Variants in PCMT1 observed in about 807,000 individuals in gnomAD.
PCMT1 encodes the protein protein-L-isoaspartate(D-aspartate) O-methyltransferase.
PCMT1 carries 9 observed loss-of-function variants against 29.2 expected under a neutral mutation model. The observed-to-expected ratio is 0.31, with a 90% CI of 0.19 to 0.54. The LOEUF (loss-of-function observed/expected upper bound fraction) is 0.54. Among genes scored for constraint, PCMT1 ranks in the 20% least tolerant of loss-of-function variants. The pLI is 0.95. For missense variants in PCMT1, 184 were observed against 282.2 expected, an observed-to-expected ratio of 0.65 and a Z score of 2.49; for synonymous variants, 98 against 97.5, an observed-to-expected ratio of 1.00 and a Z score of -0.03.
At chr6:149,765,663 T>A (rs575846949) in intron 1 of PCMT1, 8 of 375,908 alleles carry the variant, frequency 2.1e-5, no homozygotes, top group African/African-American at 1.8e-4. Flanking sequence ...TTTTATTTTT[T>A]ATTTTTTATT....
At chr6:149,761,178 T>TAG (rs1786724282) in intron 1 of PCMT1, among the ~76,000 whole-genome samples, 1 of 148,642 alleles carries the variant, frequency 6.7e-6, no homozygotes, top group Admixed American at 6.7e-5. Flanking sequence ...AAACATGAAA[T>TAG]ACACACACAC....
intron 1 of PCMT1, among the ~76,000 whole-genome samples, chr6:149,762,847 G>GATAATCTATGATATATATGAT (rs1786861842): frequency 2.6e-5 from 1 of 37,802 alleles, no homozygotes; most frequent in Non-Finnish European, 3.6e-5. Context: ...ATATATCTAT[G>GATAATCTATGATATATATGAT]ATATATATCT....
At chr6:149,758,938 G>A (rs547007749) in intron 1 of PCMT1, among the ~76,000 whole-genome samples, 7 of 152,100 alleles carry the variant, frequency 4.6e-5, no homozygotes, top group East Asian at 3.9e-4. Context: ...GTGCAATGGC[G>A]CGATCTCGGC....
intron 1 of PCMT1, among the ~76,000 whole-genome samples, chr6:149,764,579 A>G (rs1390954041): frequency 2.0e-5 from 3 of 152,096 alleles, no homozygotes; most frequent in Non-Finnish European, 2.9e-5. Flanking sequence ...TCTAAAAAAA[A>G]ACTTTTAAAA....
chr6:149,774,636 C>G (rs1240794055), intron 3 of PCMT1, among the ~76,000 whole-genome samples: 1 of 148,846 alleles, frequency 6.7e-6, no homozygotes, highest in South Asian at 2.2e-4. Flanking sequence ...CTCCTAGGTT[C>G]AAGTAATTCT....
intron 7 of PCMT1, 67 bp downstream of exon 7, chr6:149,802,483 C>T: frequency 4.4e-6 from 6 of 1,355,558 alleles, no homozygotes; most frequent in Non-Finnish European, 5.7e-6. Flanking sequence ...CTTTATGCTC[C>T]TCCATTATAA....
At chr6:149,788,859 T>C (rs1222010238) in intron 3 of PCMT1, among the ~76,000 whole-genome samples, 1 of 152,204 alleles carries the variant, frequency 6.6e-6, no homozygotes, top group Non-Finnish European at 1.5e-5. Flanking sequence ...CAATCAGTTA[T>C]TATTGAGATG....
At chr6:149,789,618 G>C (rs1225733724) in intron 3 of PCMT1, among the ~76,000 whole-genome samples, 1 of 152,116 alleles carries the variant, frequency 6.6e-6, no homozygotes, top group Non-Finnish European at 1.5e-5. Flanking sequence ...CAAGAAACTA[G>C]TAATATTGGT....
rs59644096 is a variant in PCMT1, at chr6:149,808,519, A to G, written c.*38-2097A>G. On this transcript the variant is annotated intron_variant, in intron 7 of 7. Coordinates refer to ENST00000464889, the MANE Select transcript of PCMT1 (RefSeq NM_001360452.2). ...AAACCTAATTTCTTTTCCTTTTTTA[A>G]AGTATTTTTTAGACAGAGAGGATAG... 3.5e-3 allele frequency among the ~76,000 whole-genome samples: 527 copies of G among 152,170 alleles called. 3 individuals are homozygous for G. Among genetic ancestry groups the G allele is most frequent in the African/African-American group, 0.012 (500 of 41,520 alleles).
At chr6:149,779,125 C>T (rs116444774) in intron 3 of PCMT1, among the ~76,000 whole-genome samples, 1 of 152,186 alleles carries the variant, frequency 6.6e-6, no homozygotes, top group South Asian at 2.1e-4. Flanking sequence ...AGAGGCTTAT[C>T]TGTGTTCCAT....
Position 149,762,670 on chromosome 6 carries a change from GAT to G in PCMT1, c.56-8481_56-8480del, listed in dbSNP as rs551196120. Among the ~76,000 whole-genome samples the G allele has an allele frequency of 2.6e-4, 4 of 15,388 alleles. 1 individual carries two copies. Among genetic ancestry groups the G allele is most frequent in the Non-Finnish European group, 8.4e-5 (1 of 11,840 alleles). 10.1% of individuals were successfully genotyped at this position (15,388 alleles called of 152,430 possible). ...ATATATATATGATATATATATCTAT[GAT>G]ATATATATATCTATGATATATATAT... On this transcript the variant is annotated intron_variant, in intron 1 of 7. Coordinates refer to ENST00000464889, the MANE Select transcript of PCMT1 (RefSeq NM_001360452.2).
intron 1 of PCMT1, among the ~76,000 whole-genome samples, chr6:149,756,015 A>C (rs1786489292): frequency 1.3e-5 from 2 of 152,136 alleles, no homozygotes; most frequent in South Asian, 4.1e-4. Context: ...GATCTGGGAG[A>C]AAAGATTGGA....
chr6:149,810,539 T>A, intron 7 of PCMT1, 77 bp from the exon 8 acceptor site: 1 of 1,018,248 alleles, frequency 9.8e-7, no homozygotes, highest in Non-Finnish European at 1.5e-6. Context: ...ACTTAATAGT[T>A]GTGTCTAAAC....
intron 3 of PCMT1, among the ~76,000 whole-genome samples, chr6:149,785,865 C>G (rs1040280033): frequency 1.3e-5 from 2 of 152,238 alleles, no homozygotes; most frequent in South Asian, 2.1e-4. Context: ...CCTTTCCCCC[C>G]TTTCTATTCC....
Position 149,795,600 on chromosome 6 carries a change from G to A in PCMT1, c.419-815G>A, listed in dbSNP as rs1788573653. The A allele has an allele frequency of 5.8e-6, 3 of 518,696 alleles. No homozygotes were observed. The Admixed American group carries it at 7.7e-5, about 13-fold the overall frequency. The allele number at this position is 518,696 out of a possible 1,614,324, so 32.1% of individuals were successfully genotyped here. A position where few individuals can be genotyped will look rare whatever the true frequency, so the allele number is the denominator to read the frequency against. On this transcript the variant is annotated intron_variant, in intron 5 of 7. Coordinates refer to ENST00000464889, the MANE Select transcript of PCMT1 (RefSeq NM_001360452.2). Reference sequence around the variant, plus strand: ...CAATGAGAAAGGAGAGTATGAAGTAGCAGAGGGAATTGGTTCCACTGTGTT... The same window carrying A: ...CAATGAGAAAGGAGAGTATGAAGTAACAGAGGGAATTGGTTCCACTGTGTT...
chr6:149,750,265 G>C (rs1786251591), intron 1 of PCMT1: 1 of 379,062 alleles, frequency 2.6e-6, no homozygotes, highest in Admixed American at 4.4e-5. Context: ...CTGTCACTCA[G>C]GTCCGCGTCC....
Position 149,769,308 on chromosome 6 carries a change from C to CTTTTTTTTTTTTTTTTT in PCMT1, c.56-1846_56-1830dup. Among the ~76,000 whole-genome samples, 102 of 71,534 alleles carry CTTTTTTTTTTTTTTTTT rather than the reference C, an allele frequency of 1.4e-3. 22 individuals are homozygous for CTTTTTTTTTTTTTTTTT. Among genetic ancestry groups the CTTTTTTTTTTTTTTTTT allele is most frequent in the East Asian group, 7.0e-3 (8 of 1,146 alleles). The allele number at this position is 71,534 out of a possible 152,430, so 46.9% of individuals were successfully genotyped here. A position where few individuals can be genotyped will look rare whatever the true frequency, so the allele number is the denominator to read the frequency against. ...AGTTAGCACCTATTTGTGCAGGATT[C>CTTTTTTTTTTTTTTTTT]TTTTTTTTTTTTTTTTTTTTTTTTG... is the stretch of plus-strand genomic sequence containing the variant. On this transcript the variant is annotated intron_variant, in intron 1 of 7. Transcript: ENST00000464889.
chr6:149,757,529 G>A (rs528944263), intron 1 of PCMT1, among the ~76,000 whole-genome samples: 12 of 152,292 alleles, frequency 7.9e-5, no homozygotes, highest in African/African-American at 2.9e-4. Context: ...TTGAAGGGAT[G>A]GAGGTGGTTT....
chr6:149,752,079 A>G lies in PCMT1; in HGVS notation c.55+2123A>G, dbSNP rs375491255. On this transcript the variant is annotated intron_variant, in intron 1 of 7. Transcript: ENST00000464889. Reference sequence around the variant, plus strand: ...GTAGTTTATGAGATGGGGTCTTGCTATGTTGCCCAGGCTGGTCTTGAACTC... The same window carrying G: ...GTAGTTTATGAGATGGGGTCTTGCTGTGTTGCCCAGGCTGGTCTTGAACTC... Among the ~76,000 whole-genome samples the G allele has an allele frequency of 8.1e-5, 10 of 123,764 alleles. No individual in the cohort carries two copies. In the East Asian group the frequency reaches 1.1e-3, roughly 14 times the overall value. The allele number at this position is 123,764 out of a possible 152,430, so 81.2% of individuals were successfully genotyped here.
Sources: allele counts gnomAD v4.1 joint callset (sites outside exome capture counted in the v4.1 genomes callset), GRCh38; gene constraint gnomAD v4.1.1; transcripts MANE v1.5; gene names NCBI Gene and HGNC (gene_info 2026-07-23, HGNC 2026-07-21).